The following TRIM38 variants were observed in gnomAD, a reference collection of about 807,000 sequenced individuals.
TRIM38 encodes the protein tripartite motif containing 38.
In TRIM38, 35 loss-of-function variants were observed where a neutral mutation model predicts 35.8. The ratio of observed to expected loss-of-function variants is 0.98; its 90% CI spans 0.75 to 1.30. The LOEUF is 1.30. TRIM38 is among the 50% of genes most tolerant of loss of function. The probability of loss-of-function intolerance (pLI) is 0.00; values close to 1 mark genes in which losing one functional copy is unlikely to be tolerated. For synonymous variants in TRIM38, 198 were observed against 204.7 expected, an observed-to-expected ratio of 0.97 and a Z score of 0.28; for missense variants, 545 against 556.9, an observed-to-expected ratio of 0.98 and a Z score of 0.21.
At chr6:25,974,994 T>C (rs1760347571) in intron 7 of TRIM38, 2 of 984,404 alleles carry the variant, frequency 2.0e-6, no homozygotes, top group Non-Finnish European at 1.2e-6. Context: ...GAAGGAATCA[T>C]AATATGGTTC....
intron 7 of TRIM38, among the ~76,000 whole-genome samples, chr6:25,976,711 T>TGGAG (rs1760404147): frequency 6.6e-6 from 1 of 152,186 alleles, no homozygotes; most frequent in Non-Finnish European, 1.5e-5. Flanking sequence ...AAATGTTCCC[T>TGGAG]CCAGGGAGAT....
intron 7 of TRIM38, among the ~76,000 whole-genome samples, chr6:25,979,281 G>A (rs921134163): frequency 6.6e-6 from 1 of 151,962 alleles, no homozygotes; most frequent in South Asian, 2.1e-4. Flanking sequence ...GTATGAGATT[G>A]GCATTACTCA....
At chr6:25,967,760 C>T (rs908980070) in intron 3 of TRIM38, among the ~76,000 whole-genome samples, 11 of 151,954 alleles carry the variant, frequency 7.2e-5, no homozygotes, top group African/African-American at 1.9e-4. Context: ...TGGCCTCAAA[C>T]CCCTGGTCTC....
rs535432182 is a variant in TRIM38, at chr6:25,975,433, C to T, written c.874+2148C>T. On this transcript the variant is annotated intron_variant, in intron 7 of 7. Coordinates refer to ENST00000357085, the MANE Select transcript of TRIM38 (RefSeq NM_006355.5). Reference sequence around the variant, plus strand: ...GCCAGGCTGGTCTCAAACCCCTGACCTCAGGTGATCTGCCTGTCTCTGCCT... The same window carrying T: ...GCCAGGCTGGTCTCAAACCCCTGACTTCAGGTGATCTGCCTGTCTCTGCCT... 14 of 224,120 alleles carry T rather than the reference C, an allele frequency of 6.2e-5. No homozygotes were observed. In the South Asian group the frequency reaches 1.3e-3, roughly 21 times the overall value. The allele number at this position is 224,120 out of a possible 1,614,324, so 13.9% of individuals were successfully genotyped here. A position where few individuals can be genotyped will look rare whatever the true frequency, so the allele number is the denominator to read the frequency against.
Position 25,986,891 on chromosome 6 carries a change from A to G in TRIM38, c.*3204A>G, listed in dbSNP as rs146448002. The G allele has an allele frequency of 5.8e-4, 89 of 152,338 alleles. No individual in the cohort carries two copies. Among genetic ancestry groups the G allele is most frequent in the African/African-American group, 2.0e-3 (84 of 41,576 alleles). The allele number at this position is 152,338 out of a possible 1,614,324, so 9.4% of individuals were successfully genotyped here. A position where few individuals can be genotyped will look rare whatever the true frequency, so the allele number is the denominator to read the frequency against. ...TGTAGGATGGAAAAAAGGACACAAA[A>G]GTAGGGTGAAGAGCATGTGTGCAAC... On this transcript the variant is annotated 3_prime_UTR_variant, in exon 8 of 8. Transcript: ENST00000357085.
At position 25,969,329 on chromosome 6, in the gene TRIM38, AG is replaced by A. The variant is rs1760156495; in HGVS notation, c.417del (p.Lys139AsnfsTer6). On this transcript the variant is annotated frameshift_variant, in exon 4 of 8. Transcript: ENST00000357085. LOFTEE classifies it high-confidence loss of function. ...VEDVCQGYKEKLQKAVTKLKQ... is the reference protein window; with the variant it reads ...VEDVCQGYKEXLQKAVTKLKQ... ...CTTATCAAATTTTTCCTTCAGGAAA[AG>A]CTCCAGAAAGCTGTGACAAAACTGA... The A allele has an allele frequency of 3.7e-6, 6 of 1,612,100 alleles. No homozygotes were observed. The highest frequency in any genetic ancestry group is 5.1e-6 in the Non-Finnish European group (6 of 1,179,050).
chr6:25,967,066 A>G, intron 3 of TRIM38, 133 bp downstream of exon 3: 3 of 1,005,218 alleles, frequency 3.0e-6, no homozygotes, highest in Non-Finnish European at 4.3e-6. Flanking sequence ...CTTCTGAAAA[A>G]TAGTTTATGA....
chr6:25,983,310 G>A lies in TRIM38; in HGVS notation c.1021G>A (p.Gly341Ser). The change falls in exon 8 of 8, where the codon GGC becomes AGC. Residue 341 changes from glycine (G) to serine (S), a missense_variant. By Grantham distance (56) the Gly-to-Ser change is moderately conservative. Coordinates refer to ENST00000357085, the MANE Select transcript of TRIM38 (RefSeq NM_006355.5). ...CTTCCCCTGTGTCTTGGGTTGTGAAGGCTTCACCTCAGGAAGACGTTACTT... is the reference window on the plus strand; with the variant it reads ...CTTCCCCTGTGTCTTGGGTTGTGAAAGCTTCACCTCAGGAAGACGTTACTT... ...TAFPCVLGCE[G>S]FTSGRRYFEV... 1 of 1,614,146 alleles carries A rather than the reference G, an allele frequency of 6.2e-7. No individual in the cohort carries two copies. The highest frequency in any genetic ancestry group is 8.5e-7 in the Non-Finnish European group (1 of 1,180,018).
In TRIM38 at chr6:25,984,889, A is replaced by G. The variant is rs1226590397; in HGVS notation, c.*1202A>G. 1.3e-5 allele frequency: 2 copies of G among 152,356 alleles called. No homozygotes were observed. The highest frequency in any genetic ancestry group is 2.9e-5 in the Non-Finnish European group (2 of 68,038). 9.4% of individuals were successfully genotyped at this position (152,356 alleles called of 1,614,324 possible). A position where few individuals can be genotyped will look rare whatever the true frequency, so the allele number is the denominator to read the frequency against. ...CTGATATTTGTTGAAGTCCTACAAC[A>G]TCACCTCTGAGAATAGGAGAAATGA... On this transcript the variant is annotated 3_prime_UTR_variant, in exon 8 of 8. Coordinates refer to ENST00000357085, the MANE Select transcript of TRIM38 (RefSeq NM_006355.5).
intron 7 of TRIM38, among the ~76,000 whole-genome samples, chr6:25,976,526 C>T (rs1398050886): frequency 6.6e-6 from 1 of 152,214 alleles, no homozygotes; most frequent in African/African-American, 2.4e-5. Flanking sequence ...TCGCCTCGGC[C>T]TTCTAAAGTG....
chr6:25,983,617 C>T lies in TRIM38; in HGVS notation c.1328C>T (p.Ser443Phe), dbSNP rs1760633377. Residue 443 changes from serine (S) to phenylalanine (F), a missense_variant, in exon 8 of 8, where the codon TCT (serine) becomes TTT (phenylalanine). Coordinates refer to ENST00000357085, the MANE Select transcript of TRIM38 (RefSeq NM_006355.5). ...TTTACTTTCCCGAAGGCTTCCTTCT[C>T]TGATACTCTCCGGCCCTATTTCCAG... ...HIFTFPKASF[S>F]DTLRPYFQVY... The T allele has an allele frequency of 6.2e-7, 1 of 1,613,802 alleles. No individual in the cohort carries two copies. The highest frequency in any genetic ancestry group is 1.7e-5 in the Admixed American group (1 of 59,984).
At chr6:25,975,951 A>T (rs941870592) in intron 7 of TRIM38, among the ~76,000 whole-genome samples, 17 of 152,194 alleles carry the variant, frequency 1.1e-4, no homozygotes, top group Non-Finnish European at 2.4e-4. Context: ...GTTGTTGTTA[A>T]TCTTAATATA....
intron 3 of TRIM38, 53 bp from the exon 4 acceptor site, chr6:25,969,272 C>G (rs1760153827): frequency 7.7e-7 from 1 of 1,298,838 alleles, no homozygotes; most frequent in Non-Finnish European, 1.1e-6. Flanking sequence ...CCCCCTAGGT[C>G]CCTAATGAAG....
intron 7 of TRIM38, among the ~76,000 whole-genome samples, chr6:25,982,457 A>G (rs969083479): frequency 6.6e-6 from 1 of 151,988 alleles, no homozygotes; most frequent in Non-Finnish European, 1.5e-5. Context: ...GCAGCCTCCA[A>G]TCTAGTGCTG....
chr6:25,964,826 T>TC (rs903170306), intron 2 of TRIM38, among the ~76,000 whole-genome samples: 17 of 151,834 alleles, frequency 1.1e-4, no homozygotes, highest in African/African-American at 3.9e-4. Context: ...TTTTTTTTTT[T>TC]TTTAAGACAG....
chr6:25,971,977 C>G lies in TRIM38; in HGVS notation c.616C>G (p.Gln206Glu). 3 of 1,614,098 alleles carry G rather than the reference C, an allele frequency of 1.9e-6. No homozygotes were observed. Among genetic ancestry groups the G allele is most frequent in the Non-Finnish European group, 2.5e-6 (3 of 1,180,012 alleles). Residue 206 changes from glutamine to glutamate, a missense_variant, in exon 5 of 8, where the codon CAA (glutamine) becomes GAA (glutamate). Coordinates refer to ENST00000357085, the MANE Select transcript of TRIM38 (RefSeq NM_006355.5). ...SYLWRLEKEEQQTLSRLRDYE... is the reference protein window; with the variant it reads ...SYLWRLEKEEEQTLSRLRDYE... ...TCTCTGGAGGCTGGAGAAAGAAGAA[C>G]AACAGACTCTGAGTAGACTGAGGGA... is the stretch of plus-strand genomic sequence containing the variant.
At chr6:25,981,633 T>G (rs1760548256) in intron 7 of TRIM38, among the ~76,000 whole-genome samples, 1 of 152,230 alleles carries the variant, frequency 6.6e-6, no homozygotes, top group African/African-American at 2.4e-5. Context: ...TATTATTATC[T>G]CATACTAATG....
intron 4 of TRIM38, among the ~76,000 whole-genome samples, chr6:25,970,208 A>G (rs913324010): frequency 1.3e-5 from 2 of 152,080 alleles, no homozygotes; most frequent in Non-Finnish European, 2.9e-5. Context: ...GAGCCACTGC[A>G]CCCGGCCTAT....
In TRIM38 at chr6:25,966,828, G is replaced by A. The variant is rs762815765; in HGVS notation, c.306G>A (p.Leu102=). 6 of 1,614,196 alleles carry A rather than the reference G, an allele frequency of 3.7e-6. No individual in the cohort carries two copies. The highest frequency in any genetic ancestry group is 5.1e-6 in the Non-Finnish European group (6 of 1,180,032). ...AGGAACACGGAGAGCAGTTCCACCT[G>A]TTCTGCGAAGACGAGGGGCAGCTCA... ...SCEEHGEQFH[L]FCEDEGQLIC... is the part of the protein sequence containing the mutation. The change falls in exon 3 of 8, where the codon CTG becomes CTA. Residue 102 remains leucine, a synonymous_variant. Transcript: ENST00000357085.
Sources: gnomAD v4.1 joint callset for allele counts (sites outside exome capture counted in the v4.1 genomes callset) on GRCh38, gnomAD v4.1.1 for gene constraint, MANE v1.5 for transcripts, NCBI Gene and HGNC (gene_info 2026-07-23, HGNC 2026-07-21) for gene names.